AGBL1: variants seen among roughly 807,000 people sequenced by gnomAD.
AGBL1 encodes the protein cytosolic carboxypeptidase 4.
In AGBL1, 130 loss-of-function variants were observed where a neutral mutation model predicts 118.9. The ratio of observed to expected loss-of-function variants is 1.09; its 90% CI spans 0.95 to 1.26. The LOEUF (loss-of-function observed/expected upper bound fraction) is 1.26, where lower values mean the gene tolerates loss of function less well. AGBL1 is among the 50% of genes most tolerant of loss of function. The probability of loss-of-function intolerance (pLI) is 0.00; values close to 1 mark genes in which losing one functional copy is unlikely to be tolerated. For synonymous variants in AGBL1, 555 were observed against 478.9 expected (o/e 1.16, Z -2.08); for missense variants, 1,584 against 1,298.1 (o/e 1.22, Z -3.38).
chr15:86,692,852 T>C (rs1004488724), intron 22 of AGBL1, among the ~76,000 whole-genome samples: 2 of 152,178 alleles, frequency 1.3e-5, no homozygotes, highest in African/African-American at 4.8e-5. Context: ...AGTGAGAACA[T>C]ACAATGTTTG....
intron 22 of AGBL1, among the ~76,000 whole-genome samples, chr15:86,689,479 T>A (rs548599499): frequency 6.6e-6 from 1 of 152,274 alleles, no homozygotes; most frequent in African/African-American, 2.4e-5. Context: ...TCAATAAATA[T>A]AATAAATGAA....
chr15:86,918,227 A>T (rs2080448473), downstream of AGBL1, among the ~76,000 whole-genome samples: 1 of 152,232 alleles, frequency 6.6e-6, no homozygotes, highest in Non-Finnish European at 1.5e-5. Flanking sequence ...CTTTGAGGTA[A>T]ATAACTATTA....
intron 22 of AGBL1, among the ~76,000 whole-genome samples, chr15:86,692,596 ATTC>A (rs1466412171): frequency 6.6e-6 from 1 of 152,056 alleles, no homozygotes; most frequent in Non-Finnish European, 1.5e-5. Flanking sequence ...AACTTACTAA[ATTC>A]TTCTTTCAAA....
intron 22 of AGBL1, among the ~76,000 whole-genome samples, chr15:86,743,263 C>T (rs1046760085): frequency 2.6e-5 from 4 of 151,886 alleles, no homozygotes; most frequent in Non-Finnish European, 5.9e-5. Flanking sequence ...TTATTTTTGA[C>T]CCAACATTTG....
At chr15:86,273,548 T>C (rs1356472476) in intron 15 of AGBL1, among the ~76,000 whole-genome samples, 1 of 152,242 alleles carries the variant, frequency 6.6e-6, no homozygotes, top group South Asian at 2.1e-4. Context: ...CTCTCAATTG[T>C]AAAATGATGC....
intron 21 of AGBL1, among the ~76,000 whole-genome samples, chr15:86,624,483 C>A (rs1256253595): frequency 2.0e-5 from 3 of 152,166 alleles, no homozygotes; most frequent in African/African-American, 7.2e-5. Context: ...TGTTCAATAT[C>A]GATTCTGAGT....
intron 1 of AGBL1, among the ~76,000 whole-genome samples, chr15:86,118,319 G>A (rs765433870): frequency 6.6e-6 from 1 of 152,156 alleles, no homozygotes; most frequent in South Asian, 2.1e-4. Context: ...CAAATTGGCA[G>A]GTAGGATTTC....
intron 9 of AGBL1, among the ~76,000 whole-genome samples, chr15:86,259,196 C>G (rs998640388): frequency 2.0e-5 from 3 of 152,184 alleles, no homozygotes; most frequent in African/African-American, 7.2e-5. Context: ...TCAGTAGTAC[C>G]TACCTCATTA....
At chr15:86,087,313 C>T (rs188954893) in intron 1 of AGBL1, among the ~76,000 whole-genome samples, 17 of 149,834 alleles carry the variant, frequency 1.1e-4, no homozygotes, top group African/African-American at 3.7e-4. Context: ...TTTTCACATG[C>T]ATTGTCTCAT....
At chr15:86,808,640 C>T (rs2078749357) in intron 22 of AGBL1, among the ~76,000 whole-genome samples, 2 of 144,778 alleles carry the variant, frequency 1.4e-5, no homozygotes, top group African/African-American at 5.1e-5. Flanking sequence ...CCTTCCTTTT[C>T]TTTCCTTCCT....
chr15:86,539,599 T>C (rs2083467772), intron 19 of AGBL1, among the ~76,000 whole-genome samples: 1 of 152,216 alleles, frequency 6.6e-6, no homozygotes. Context: ...ACTGCCCACT[T>C]CTATAGATAC....
chr15:86,347,316 G>T (rs112744351), intron 17 of AGBL1, among the ~76,000 whole-genome samples: 1,597 of 152,304 alleles, frequency 0.01, 25 homozygotes, highest in African/African-American at 0.035. Context: ...GGTGGCAATT[G>T]TCTTTGGTGT....
intron 22 of AGBL1, among the ~76,000 whole-genome samples, chr15:86,836,097 G>C (rs566069231): frequency 6.6e-6 from 1 of 152,198 alleles, no homozygotes; most frequent in Non-Finnish European, 1.5e-5. Context: ...GCAAACATGA[G>C]AGGCAGAAGT....
chr15:86,947,653 A>G (rs982593379), intron 23 of AGBL1, among the ~76,000 whole-genome samples: 1 of 152,202 alleles, frequency 6.6e-6, no homozygotes, highest in Non-Finnish European at 1.5e-5. Flanking sequence ...AATGTGCACA[A>G]AAGAGTCAAA....
intron 22 of AGBL1, among the ~76,000 whole-genome samples, chr15:86,810,007 A>T (rs1373898608): frequency 1.3e-5 from 2 of 152,196 alleles, no homozygotes; most frequent in African/African-American, 4.8e-5. Context: ...TTTTAAAAAA[A>T]TCTCATTAAA....
At chr15:86,787,176 AC>A (rs2078425024) in intron 22 of AGBL1, among the ~76,000 whole-genome samples, 1 of 152,146 alleles carries the variant, frequency 6.6e-6, no homozygotes, top group African/African-American at 2.4e-5. Context: ...TGAAATGATT[AC>A]TACAGTCAAG....
chr15:86,475,206 G>A (rs888249195), intron 18 of AGBL1, among the ~76,000 whole-genome samples: 9 of 152,154 alleles, frequency 5.9e-5, no homozygotes, highest in African/African-American at 1.4e-4. Context: ...TGCCAGCAAC[G>A]GAACAAAGAT....
intron 22 of AGBL1, among the ~76,000 whole-genome samples, chr15:86,885,907 G>A (rs140672456): frequency 2.8e-3 from 433 of 152,276 alleles, no homozygotes; most frequent in African/African-American, 9.8e-3. Context: ...AAAGGCCTGT[G>A]TAAAGAATTC....
chr15:86,396,147 GTATA>G (rs67895355), intron 17 of AGBL1, among the ~76,000 whole-genome samples: 6,973 of 144,504 alleles, frequency 0.048, 522 homozygotes, highest in African/African-American at 0.16. Flanking sequence ...ATATATATGT[GTATA>G]TATATATATA....
Sources: allele counts gnomAD v4.1 joint callset (sites outside exome capture counted in the v4.1 genomes callset), GRCh38; gene constraint gnomAD v4.1.1; transcripts MANE v1.5; gene names NCBI Gene and HGNC (gene_info 2026-07-23, HGNC 2026-07-21).